SYNE2: variants seen among roughly 807,000 people sequenced by gnomAD.
SYNE2 encodes spectrin repeat containing nuclear envelope protein 2, also known as nesprin-2.
SYNE2 carries 431 observed loss-of-function variants against 856.3 expected under a neutral mutation model. The observed-to-expected ratio is 0.50, with a 90% confidence interval of 0.47 to 0.55. The LOEUF is 0.55. SYNE2 is among the 20% of genes least tolerant of loss of function. The probability of loss-of-function intolerance (pLI) is 0.00; values close to 1 mark genes in which losing one functional copy is unlikely to be tolerated. For synonymous variants in SYNE2, 2,923 were observed against 2,872.3 expected (o/e 1.02, Z -0.56); for missense variants, 8,129 against 8,023.2 (o/e 1.01, Z -0.50).
chr14:63,931,764 G>A (rs1046180326), intron 2 of SYNE2, among the ~76,000 whole-genome samples: 43 of 151,984 alleles, frequency 2.8e-4, no homozygotes, highest in African/African-American at 9.6e-4. Context: ...AAAGCACAAA[G>A]GTTTAACTCC....
Position 63,997,051 on chromosome 14 carries a change from G to T in SYNE2, c.3045G>T (p.Val1015=). The change falls in exon 24 of 116, where the codon GTG becomes GTT. Residue 1015 remains valine, a synonymous_variant. Coordinates refer to ENST00000555002, the MANE Select transcript of SYNE2 (RefSeq NM_182914.3). ...CTTCACAGAAGAGTCAACAAGAAGT[G>T]AAGAGACTACTCAAAGATTATGAAC... is the stretch of plus-strand genomic sequence containing the variant. ...ELPSQKSQQE[V]KRLLKDYEQK... is the part of the protein sequence containing the mutation. 1 of 1,614,070 alleles carries T rather than the reference G, an allele frequency of 6.2e-7. No homozygotes were observed. The highest frequency in any genetic ancestry group is 8.5e-7 in the Non-Finnish European group (1 of 1,179,994).
intron 106 of SYNE2, among the ~76,000 whole-genome samples, chr14:64,215,076 T>C (rs531329872): frequency 2.6e-5 from 4 of 152,274 alleles, no homozygotes; most frequent in African/African-American, 9.6e-5. Context: ...GTCTGCAGAC[T>C]GAGCTTCTCC....
chr14:63,862,033 T>C (rs1460038583), intron 1 of SYNE2, among the ~76,000 whole-genome samples: 1 of 152,196 alleles, frequency 6.6e-6, no homozygotes, highest in East Asian at 1.9e-4. Flanking sequence ...ATCCCACCCG[T>C]GCTGGATTAT....
At position 64,168,964 on chromosome 14, in the gene SYNE2, G is replaced by C; in HGVS notation, c.16993G>C (p.Glu5665Gln). 1 of 1,613,006 alleles carries C rather than the reference G, an allele frequency of 6.2e-7. No homozygotes were observed. The highest frequency in any genetic ancestry group is 1.1e-5 in the South Asian group (1 of 91,050). Residue 5665 changes from glutamate to glutamine, a missense_variant, in exon 93 of 116, where the codon GAG becomes CAG. By Grantham distance (29) the Glu-to-Gln change is conservative. Around this residue, in one of 3 missense-constraint regions of SYNE2, gnomAD observed 5,410 missense variants for 5,284.8 expected, o/e 1.02. Coordinates refer to ENST00000555002, the MANE Select transcript of SYNE2 (RefSeq NM_182914.3). ...SLQLLDTTEI[E>Q]NRPEFITEFS... The stretch of plus-strand genomic sequence containing the variant: ...ACAACTCCTGGACACAACAGAAATA[G>C]AGAACAGGTGAGCTGTCTGGGCCTC...
intron 93 of SYNE2, among the ~76,000 whole-genome samples, chr14:64,169,641 T>C (rs1037634597): frequency 1.3e-5 from 2 of 152,176 alleles, no homozygotes; most frequent in Non-Finnish European, 2.9e-5. Flanking sequence ...AACTAAGAAA[T>C]GTAAAGCCCT....
At chr14:64,016,739 G>A in intron 33 of SYNE2, 108 bp downstream of exon 33, 2 of 795,322 alleles carry the variant, frequency 2.5e-6, no homozygotes, top group Non-Finnish European at 4.0e-6. Flanking sequence ...TTGTAAAAAT[G>A]TTCAAATTAT....
intron 1 of SYNE2, among the ~76,000 whole-genome samples, chr14:63,764,294 A>G (rs1306888898): frequency 1.3e-5 from 2 of 152,246 alleles, no homozygotes; most frequent in Admixed American, 6.5e-5. Context: ...TCAGAAACAT[A>G]GAAGCCACTG....
chr14:63,921,564 A>G (rs1595650261), intron 2 of SYNE2, among the ~76,000 whole-genome samples: 1 of 152,200 alleles, frequency 6.6e-6, no homozygotes, highest in African/African-American at 2.4e-5. Flanking sequence ...GTATTTAAAA[A>G]AGGAGAGGGT....
At chr14:64,103,735 C>T (rs1304416782) in intron 64 of SYNE2, among the ~76,000 whole-genome samples, 1 of 152,090 alleles carries the variant, frequency 6.6e-6, no homozygotes, top group Non-Finnish European at 1.5e-5. Context: ...TCCTTGTGGC[C>T]CCACTACTTC....
rs1412739279 is a variant in SYNE2 at position 64,070,807 on chromosome 14, C to T, written c.10594C>T (p.Leu3532Phe). Residue 3532 changes from leucine to phenylalanine, a missense_variant, in exon 52 of 116, where the codon CTT becomes TTT. Coordinates refer to ENST00000555002, the MANE Select transcript of SYNE2 (RefSeq NM_182914.3). ...GCAACAGCTGTTACTGACTCTACTT[C>T]TTCAGCGCATCAGAAGTATCCAGAA... ...EKQQLLLTLL[L>F]QRIRSIQNVP... is the part of the protein sequence containing the mutation. The T allele has an allele frequency of 6.2e-7, 1 of 1,614,220 alleles. No homozygotes were observed. Among genetic ancestry groups the T allele is most frequent in the South Asian group, 1.1e-5 (1 of 91,092 alleles).
intron 7 of SYNE2, among the ~76,000 whole-genome samples, chr14:63,951,593 G>T (rs1043762949): frequency 6.6e-6 from 1 of 152,124 alleles, no homozygotes; most frequent in Non-Finnish European, 1.5e-5. Flanking sequence ...GTGAGCCGCT[G>T]CTCCCGGCCC....
At chr14:64,177,542 A>G in intron 96 of SYNE2, 59 bp downstream of exon 96, 1 of 1,609,568 alleles carries the variant, frequency 6.2e-7, no homozygotes, top group Non-Finnish European at 8.5e-7. Context: ...GAGTACTTTG[A>G]AGTGCTTCTT....
chr14:64,052,805 C>T lies in SYNE2; in HGVS notation c.8892C>T (p.Arg2964=). 1 of 1,612,578 alleles carries T rather than the reference C, an allele frequency of 6.2e-7. No homozygotes were observed. Among genetic ancestry groups the T allele is most frequent in the Non-Finnish European group, 8.5e-7 (1 of 1,179,680 alleles). The change falls in exon 48 of 116, where the codon CGC becomes CGT. Residue 2964 remains arginine (R), a synonymous_variant. Transcript: ENST00000555002. ...AGGAGGAGGCTGACAGTATACAGCG[C>T]AATGAACTATTACTTAATCAAGAAG... ...ALQEEADSIQ[R]NELLLNQEVN...
At chr14:63,874,579 T>C (rs992790994) in intron 1 of SYNE2, among the ~76,000 whole-genome samples, 3 of 152,192 alleles carry the variant, frequency 2.0e-5, no homozygotes, top group Non-Finnish European at 4.4e-5. Context: ...GCCAGAACTT[T>C]AGAGTTAAGA....
chr14:64,152,698 A>G lies in SYNE2; in HGVS notation c.15774A>G (p.Arg5258=), dbSNP rs1595869914. The G allele has an allele frequency of 3.7e-6, 6 of 1,614,010 alleles. No homozygotes were observed. Among genetic ancestry groups the G allele is most frequent in the East Asian group, 4.5e-5 (2 of 44,874 alleles). The change falls in exon 85 of 116, where the codon AGA becomes AGG. Residue 5258 remains arginine, a synonymous_variant. Coordinates refer to ENST00000555002, the MANE Select transcript of SYNE2 (RefSeq NM_182914.3). ...GAATTGATGAGTTATTTCAAAAGAG[A>G]AGCAGTGTTCTCACTCAGGTACTAG... ...ASRIDELFQK[R]SSVLTQVNQL...
intron 94 of SYNE2, among the ~76,000 whole-genome samples, chr14:64,171,013 C>G (rs963846053): frequency 1.3e-5 from 2 of 152,062 alleles, no homozygotes; most frequent in African/African-American, 4.8e-5. Flanking sequence ...GATGGAAACC[C>G]CGTTCTCCAT....
chr14:64,015,782 A>G (rs906580628), intron 32 of SYNE2, among the ~76,000 whole-genome samples: 1 of 151,920 alleles, frequency 6.6e-6, no homozygotes, highest in African/African-American at 2.4e-5. Context: ...CATTTAGATT[A>G]TCGATTTCAG....
chr14:64,117,162 T>A (rs775599779), intron 66 of SYNE2, among the ~76,000 whole-genome samples: 84 of 152,212 alleles, frequency 5.5e-4, no homozygotes, highest in Non-Finnish European at 8.2e-4. Context: ...AGAGTGAGTA[T>A]CCCTTATCCC....
At chr14:63,971,821 A>C (rs917867344) in intron 11 of SYNE2, among the ~76,000 whole-genome samples, 5 of 152,138 alleles carry the variant, frequency 3.3e-5, no homozygotes, top group African/African-American at 9.7e-5. Flanking sequence ...TTTTGCCTTC[A>C]TTAAAAAAAT....
Sources: allele counts gnomAD v4.1 joint callset (sites outside exome capture counted in the v4.1 genomes callset), GRCh38; gene constraint gnomAD v4.1.1; regional missense constraint gnomAD v4.1.1; transcripts MANE v1.5; gene names NCBI Gene and HGNC (gene_info 2026-07-23, HGNC 2026-07-21).